SAMD13: variants seen among roughly 807,000 people sequenced by gnomAD.
The protein encoded by SAMD13 is sterile alpha motif domain containing 13.
Under a neutral mutation model 12.4 loss-of-function variants are expected in SAMD13, and 9 were observed. That is an observed-to-expected ratio of 0.72 (90% confidence interval 0.44 to 1.26). SAMD13 has a LOEUF of 1.26. Ranked by LOEUF, SAMD13 falls within the 50% of genes most tolerant of loss-of-function variation. SAMD13 has a pLI of 0.00. For missense variants in SAMD13, 84 were observed against 119.6 expected, an observed-to-expected ratio of 0.70 and a Z score of 1.39; for synonymous variants, 46 against 45.4, an observed-to-expected ratio of 1.01 and a Z score of -0.05.
intron 2 of SAMD13, among the ~76,000 whole-genome samples, chr1:84,306,851 TAATAA>T (rs1273865448): frequency 2.0e-5 from 3 of 149,258 alleles, no homozygotes; most frequent in African/African-American, 7.4e-5. Context: ...ATAATAATAA[TAATAA>T]AATAAAATAA....
At chr1:84,344,646 T>C (rs1413784381) in intron 3 of SAMD13, 1 of 306,542 alleles carries the variant, frequency 3.3e-6, no homozygotes, top group African/African-American at 2.2e-5. Context: ...AAATAAACCC[T>C]GTCTTGGTGG....
In SAMD13 at chr1:84,314,304, A is replaced by T. The variant is rs1041607902; in HGVS notation, c.53+11017A>T. On this transcript the variant is annotated intron_variant, in intron 2 of 3. Coordinates refer to ENST00000394834, the MANE Select transcript of SAMD13 (RefSeq NM_001134663.2). The stretch of plus-strand genomic sequence containing the variant: ...CATCTAGAAATGAATAAAAAACCTC[A>T]CAGGGTACTTGATTGTTTGCCTGGA... Among the ~76,000 whole-genome samples, 6 of 152,224 alleles carry T rather than the reference A, an allele frequency of 3.9e-5. No individual in the cohort carries two copies. The East Asian group carries it at 1.2e-3, about 29-fold the overall frequency.
At chr1:84,313,500 T>C (rs1424792804) in intron 2 of SAMD13, among the ~76,000 whole-genome samples, 1 of 152,220 alleles carries the variant, frequency 6.6e-6, no homozygotes, top group African/African-American at 2.4e-5. Flanking sequence ...TTAGTCTTTC[T>C]CACTCCCTTT....
upstream of SAMD13, among the ~76,000 whole-genome samples, chr1:84,300,372 T>C (rs148886753): frequency 2.6e-5 from 4 of 152,338 alleles, no homozygotes; most frequent in African/African-American, 7.2e-5. Flanking sequence ...AAATTTCTAA[T>C]ATAATTCCTG....
At chr1:84,302,374 G>A (rs916290182) in intron 1 of SAMD13, among the ~76,000 whole-genome samples, 4 of 132,614 alleles carry the variant, frequency 3.0e-5, no homozygotes, top group African/African-American at 1.1e-4. Flanking sequence ...AGTTTTGTTC[G>A]TAGCTTTTTC....
At chr1:84,306,908 C>T (rs901246913) in intron 2 of SAMD13, among the ~76,000 whole-genome samples, 10 of 150,982 alleles carry the variant, frequency 6.6e-5, no homozygotes, top group Admixed American at 6.6e-5. Flanking sequence ...CTTTTTGTTC[C>T]TCATCTTTTT....
Position 84,301,818 on chromosome 1 carries a change from C to T in SAMD13, c.-33+17C>T. 1 of 944,770 alleles carries T rather than the reference C, an allele frequency of 1.1e-6. No homozygotes were observed. The highest frequency in any genetic ancestry group is 4.9e-5 in the South Asian group (1 of 20,404). 58.5% of individuals were successfully genotyped at this position (944,770 alleles called of 1,614,324 possible). ...TGCTTATAGGTAGGTTTTCTTTTTACTCTTCCACAGAAAAGAAAATAATAG... is the reference window on the plus strand; with the variant it reads ...TGCTTATAGGTAGGTTTTCTTTTTATTCTTCCACAGAAAAGAAAATAATAG... On this transcript the variant is annotated intron_variant, in intron 1 of 3. Transcript: ENST00000394834.
intron 3 of SAMD13, among the ~76,000 whole-genome samples, chr1:84,333,182 C>G (rs1067072): frequency 0.92 from 140,648 of 152,292 alleles, 65,078 homozygotes; most frequent in Non-Finnish European, 0.97. Flanking sequence ...GGATTCCCTT[C>G]GCTGTTTGGG....
At chr1:84,321,137 C>T (rs1259603332) in intron 2 of SAMD13, among the ~76,000 whole-genome samples, 1 of 152,046 alleles carries the variant, frequency 6.6e-6, no homozygotes, top group Non-Finnish European at 1.5e-5. Flanking sequence ...GCATTTCTGT[C>T]CCCGTGGTTG....
rs1008906339 is a variant in SAMD13, at chr1:84,301,779, T to C, written c.-55T>C. 2.0e-6 allele frequency: 2 copies of C among 985,180 alleles called. No homozygotes were observed. The highest frequency in any genetic ancestry group is 2.4e-6 in the Non-Finnish European group (2 of 829,850). 61.0% of individuals were successfully genotyped at this position (985,180 alleles called of 1,614,324 possible). ...CTGTTCTTGATAAGCCTATAAAAAA[T>C]GATATTTTTTAGTTGCTTATAGGTA... On this transcript the variant is annotated 5_prime_UTR_variant, in exon 1 of 4. It removes an upstream start codon present in the reference 5' UTR. Transcript: ENST00000394834.
intron 2 of SAMD13, among the ~76,000 whole-genome samples, chr1:84,318,784 A>T (rs1423214318): frequency 6.6e-6 from 1 of 152,144 alleles, no homozygotes; most frequent in Non-Finnish European, 1.5e-5. Context: ...GTTCATTCTG[A>T]TATATGGTCT....
rs377290303 is a variant in SAMD13, at chr1:84,316,807, A to G, written c.54-8830A>G. On this transcript the variant is annotated intron_variant, in intron 2 of 3. Coordinates refer to ENST00000394834, the MANE Select transcript of SAMD13 (RefSeq NM_001134663.2). ...GAATCTGTGGATTGCTTTGGGTCAT[A>G]TGGAAATTATAACAATATTAAATCT... Among the ~76,000 whole-genome samples, 30 of 152,244 alleles carry G rather than the reference A, an allele frequency of 2.0e-4. No homozygotes were observed. The South Asian group carries it at 5.8e-3, about 29-fold the overall frequency.
intron 2 of SAMD13, among the ~76,000 whole-genome samples, chr1:84,311,913 G>A (rs1678723938): frequency 6.6e-6 from 1 of 152,152 alleles, no homozygotes; most frequent in Non-Finnish European, 1.5e-5. Flanking sequence ...CTCAGGCATT[G>A]ATTAGGCAGT....
chr1:84,325,686 G>T lies in SAMD13; in HGVS notation c.103G>T (p.Asp35Tyr), dbSNP rs755233874. The part of the protein sequence containing the change: ...PPDPADWAVM[D>Y]VVNYFRTVGF... ...TGATCCTGCAGACTGGGCCGTGATG[G>T]ATGTCGTCAATTATTTCCGAACCGT... Residue 35 changes from aspartate to tyrosine, a missense_variant, in exon 3 of 4, where the codon GAT becomes TAT. Physicochemically the swap from Asp to Tyr is radical, Grantham distance 160. Transcript: ENST00000394834. 1 of 1,613,604 alleles carries T rather than the reference G, an allele frequency of 6.2e-7. No individual in the cohort carries two copies. The highest frequency in any genetic ancestry group is 8.5e-7 in the Non-Finnish European group (1 of 1,179,638).
intron 3 of SAMD13, among the ~76,000 whole-genome samples, chr1:84,341,902 TG>T (rs1679435513): frequency 6.6e-6 from 1 of 152,180 alleles, no homozygotes; most frequent in African/African-American, 2.4e-5. Context: ...TAGTATATAA[TG>T]GCTTAATTAT....
chr1:84,310,607 C>T (rs566279860), intron 2 of SAMD13, among the ~76,000 whole-genome samples: 8 of 152,172 alleles, frequency 5.3e-5, no homozygotes, highest in African/African-American at 1.2e-4. Flanking sequence ...AAAAGTTTTC[C>T]GATAACTGAA....
intron 3 of SAMD13, among the ~76,000 whole-genome samples, chr1:84,332,057 A>G (rs1679203284): frequency 6.6e-6 from 1 of 152,172 alleles, no homozygotes; most frequent in African/African-American, 2.4e-5. Flanking sequence ...TGCACAGGAC[A>G]TGATCTTATT....
chr1:84,342,083 A>C (rs1679439362), intron 3 of SAMD13, among the ~76,000 whole-genome samples: 1 of 152,118 alleles, frequency 6.6e-6, no homozygotes, highest in Non-Finnish European at 1.5e-5. Context: ...GAATAAGAAG[A>C]CTGTGCAGGT....
intron 3 of SAMD13, among the ~76,000 whole-genome samples, chr1:84,337,398 G>C (rs1288253279): frequency 6.6e-6 from 1 of 152,130 alleles, no homozygotes; most frequent in African/African-American, 2.4e-5. Context: ...CTCAATTCTT[G>C]ACTTCTCTGC....
Sources: allele counts gnomAD v4.1 joint callset (sites outside exome capture counted in the v4.1 genomes callset), GRCh38; gene constraint gnomAD v4.1.1; transcripts MANE v1.5; gene names NCBI Gene and HGNC (gene_info 2026-07-23, HGNC 2026-07-21).